Variants in RBFOX1 observed in about 807,000 individuals in gnomAD.
RBFOX1 encodes RNA binding fox-1 homolog 1.
A neutral mutation model predicts 57.7 loss-of-function variants in RBFOX1; 8 were observed. The observed-to-expected ratio is 0.14, with a 90% CI of 0.08 to 0.25. The LOEUF (loss-of-function observed/expected upper bound fraction) is 0.25, where lower values mean the gene tolerates loss of function less well. Ranked by LOEUF, RBFOX1 falls within the 10% of genes least tolerant of loss-of-function variation. The pLI, the probability that RBFOX1 is intolerant of heterozygous loss-of-function variation, is 1.00. For synonymous variants in RBFOX1, 326 were observed against 222.4 expected (o/e 1.47, Z -4.15); for missense variants, 611 against 548.5 (o/e 1.11, Z -1.14).
At chr16:5,250,209 T>C (rs1488558180) in intron 1 of RBFOX1, among the ~76,000 whole-genome samples, 2 of 152,222 alleles carry the variant, frequency 1.3e-5, no homozygotes, top group Non-Finnish European at 2.9e-5. Flanking sequence ...TTGATCTTGC[T>C]TCTCAGAGGT....
intron 4 of RBFOX1, among the ~76,000 whole-genome samples, chr16:7,426,789 A>G (rs79593569): frequency 6.6e-6 from 1 of 152,194 alleles, no homozygotes. Flanking sequence ...GACTACACCT[A>G]CAGGGGTGTA....
chr16:7,191,531 G>C (rs1885392246), intron 4 of RBFOX1, among the ~76,000 whole-genome samples: 1 of 152,100 alleles, frequency 6.6e-6, no homozygotes, highest in South Asian at 2.1e-4. Flanking sequence ...TTTTAGAGTT[G>C]ACATTTATAA....
chr16:7,504,629 G>C (rs1175258056), intron 4 of RBFOX1, among the ~76,000 whole-genome samples: 1 of 144,672 alleles, frequency 6.9e-6, no homozygotes, highest in Non-Finnish European at 1.5e-5. Flanking sequence ...TTCACTTCAA[G>C]ACTTTATGTT....
intron 2 of RBFOX1, among the ~76,000 whole-genome samples, chr16:5,560,209 G>A (rs769023953): frequency 3.3e-5 from 5 of 151,890 alleles, no homozygotes; most frequent in Non-Finnish European, 7.4e-5. Flanking sequence ...TAACTCCTGG[G>A]CATCTTTAGA....
At chr16:6,785,749 G>T (rs2081851126) in intron 3 of RBFOX1, among the ~76,000 whole-genome samples, 1 of 152,036 alleles carries the variant, frequency 6.6e-6, no homozygotes, top group Non-Finnish European at 1.5e-5. Context: ...TTCCACTATT[G>T]TTATCATCAT....
intron 2 of RBFOX1, among the ~76,000 whole-genome samples, chr16:6,585,672 T>C (rs2097600095): frequency 6.6e-6 from 1 of 152,196 alleles, no homozygotes; most frequent in Non-Finnish European, 1.5e-5. Context: ...CAGTAAGCAA[T>C]GGTGAATGCT....
intron 1 of RBFOX1, among the ~76,000 whole-genome samples, chr16:6,269,333 G>A (rs1388601581): frequency 1.3e-5 from 2 of 152,070 alleles, no homozygotes; most frequent in African/African-American, 2.4e-5. Context: ...GGTAGCATCT[G>A]TGGATATAGA....
chr16:7,272,702 A>G (rs920836797), intron 4 of RBFOX1, among the ~76,000 whole-genome samples: 1 of 152,096 alleles, frequency 6.6e-6, no homozygotes, highest in Non-Finnish European at 1.5e-5. Context: ...AAGGGAGAGG[A>G]GAGAGGAAGG....
chr16:7,687,807 C>G (rs544918779), intron 14 of RBFOX1, among the ~76,000 whole-genome samples: 1 of 151,974 alleles, frequency 6.6e-6, no homozygotes, highest in Admixed American at 6.6e-5. Context: ...CCAAAAGACA[C>G]AACTGTTTCC....
At chr16:6,735,970 C>G (rs528012733) in intron 3 of RBFOX1, among the ~76,000 whole-genome samples, 10 of 350 alleles carry the variant, frequency 0.029, no homozygotes, top group African/African-American at 0.082. Context: ...ATAAGGTTTG[C>G]TTCCCTACTG....
chr16:5,568,429 A>G (rs1402154369), intron 2 of RBFOX1, among the ~76,000 whole-genome samples: 2 of 152,086 alleles, frequency 1.3e-5, no homozygotes, highest in East Asian at 3.9e-4. Context: ...CCTTCCCTCA[A>G]AGCCCCTTCT....
chr16:7,034,529 A>G (rs1597588019), intron 3 of RBFOX1, among the ~76,000 whole-genome samples: 1 of 152,198 alleles, frequency 6.6e-6, no homozygotes. Flanking sequence ...ATGGATGGGA[A>G]GTGGGAAGAG....
intron 2 of RBFOX1, among the ~76,000 whole-genome samples, chr16:6,325,191 A>G (rs1030099009): frequency 2.0e-5 from 3 of 151,962 alleles, no homozygotes; most frequent in African/African-American, 7.3e-5. Context: ...ACCCATCTCT[A>G]CATAAAATGT....
intron 1 of RBFOX1, among the ~76,000 whole-genome samples, chr16:6,049,639 A>G (rs1396125963): frequency 1.3e-5 from 2 of 152,178 alleles, no homozygotes; most frequent in African/African-American, 4.8e-5. Context: ...ACTATTAAAT[A>G]GTGGTTTAAT....
At chr16:7,028,923 A>G (rs1263747453) in intron 3 of RBFOX1, among the ~76,000 whole-genome samples, 1 of 150,962 alleles carries the variant, frequency 6.6e-6, no homozygotes, top group Non-Finnish European at 1.5e-5. Context: ...GTTTGCAAGC[A>G]TCTATGAAAT....
At chr16:7,282,942 A>ATG (rs1260144364) in intron 4 of RBFOX1, among the ~76,000 whole-genome samples, 1 of 152,062 alleles carries the variant, frequency 6.6e-6, no homozygotes, top group Admixed American at 6.5e-5. Flanking sequence ...GTAGTCCATC[A>ATG]TGTGTGTGTG....
rs540761673 is a variant in RBFOX1, at chr16:6,714,862, G to A, written c.-16+60212G>A. Among the ~76,000 whole-genome samples the A allele has an allele frequency of 2.0e-5, 3 of 152,016 alleles. No homozygotes were observed. The South Asian group carries it at 6.2e-4, about 32-fold the overall frequency. ...GAGGCTGCGTTTGAGGTTCTGTTTGGGAGGCAGAAAAAAGTCTCTAGAAGG... is the reference window on the plus strand; with the variant it reads ...GAGGCTGCGTTTGAGGTTCTGTTTGAGAGGCAGAAAAAAGTCTCTAGAAGG... On this transcript the variant is annotated intron_variant, in intron 3 of 15. Transcript: ENST00000550418.
intron 4 of RBFOX1, among the ~76,000 whole-genome samples, chr16:5,900,063 G>A (rs1175110386): frequency 6.6e-6 from 1 of 152,176 alleles, no homozygotes; most frequent in East Asian, 1.9e-4. Context: ...TGGTGACAGA[G>A]CAAGACTCTG....
chr16:5,612,530 A>G (rs755323255), intron 3 of RBFOX1, among the ~76,000 whole-genome samples: 17 of 152,238 alleles, frequency 1.1e-4, no homozygotes, highest in Non-Finnish European at 2.4e-4. Context: ...CAAGGTAGAT[A>G]ATGGCTCTGA....
Sources: gnomAD v4.1 joint callset for allele counts (sites outside exome capture counted in the v4.1 genomes callset) on GRCh38, gnomAD v4.1.1 for gene constraint, MANE v1.5 for transcripts, NCBI Gene and HGNC (gene_info 2026-07-23, HGNC 2026-07-21) for gene names.